FNIP2: variants seen among roughly 807,000 people sequenced by gnomAD.
FNIP2 encodes the protein folliculin-interacting protein 2.
In FNIP2, 32 loss-of-function variants were observed where a neutral mutation model predicts 108.7. That is an observed-to-expected ratio of 0.29 (90% CI 0.22 to 0.40). The LOEUF is 0.40. FNIP2 is among the 10% of genes least tolerant of loss of function. The pLI, the probability that FNIP2 is intolerant of heterozygous loss-of-function variation, is 1.00. For synonymous variants in FNIP2, 480 were observed against 496.7 expected (o/e 0.97, Z 0.45); for missense variants, 1,202 against 1,381.6 (o/e 0.87, Z 2.06).
At chr4:158,830,532 G>A (rs1486702348) in intron 3 of FNIP2, among the ~76,000 whole-genome samples, 3 of 152,188 alleles carry the variant, frequency 2.0e-5, no homozygotes, top group African/African-American at 7.2e-5. Context: ...AAAGTGCTGG[G>A]ATCACAGGCG....
In FNIP2 at chr4:158,870,471, T is replaced by A; in HGVS notation, c.2949+2T>A. On this transcript the variant is annotated splice_donor_variant, in intron 14 of 16. Coordinates refer to ENST00000264433, the MANE Select transcript of FNIP2 (RefSeq NM_020840.3). LOFTEE classifies it high-confidence loss of function. ...GCCGACCTTGTCCACACAGTCCATG[T>A]AAGTGATCCCAGTGTGGAGCCTCTG... The A allele has an allele frequency of 6.2e-7, 1 of 1,606,458 alleles. No individual in the cohort carries two copies. Among genetic ancestry groups the A allele is most frequent in the Non-Finnish European group, 8.5e-7 (1 of 1,175,938 alleles).
intron 7 of FNIP2, among the ~76,000 whole-genome samples, chr4:158,843,364 G>T (rs964932450): frequency 2.0e-5 from 3 of 152,192 alleles, no homozygotes; most frequent in African/African-American, 7.2e-5. Context: ...GAAGAGATGG[G>T]TATCACTGTC....
At chr4:158,814,429 C>G (rs28425681) in intron 1 of FNIP2, among the ~76,000 whole-genome samples, 7,511 of 152,290 alleles carry the variant, frequency 0.049, 468 homozygotes, top group African/African-American at 0.15. Flanking sequence ...GTTTGGTAAA[C>G]TCTAAAATAT....
intron 16 of FNIP2, among the ~76,000 whole-genome samples, chr4:158,901,606 C>G (rs889305739): frequency 3.3e-5 from 5 of 152,132 alleles, no homozygotes; most frequent in African/African-American, 1.2e-4. Flanking sequence ...TCCATTCTCC[C>G]TGTCACTTTC....
At chr4:158,817,579 C>G (rs1272085969) in intron 1 of FNIP2, among the ~76,000 whole-genome samples, 1 of 152,194 alleles carries the variant, frequency 6.6e-6, no homozygotes, top group Non-Finnish European at 1.5e-5. Context: ...CAGTGTCTCA[C>G]TCTGTCGCCC....
intron 7 of FNIP2, among the ~76,000 whole-genome samples, chr4:158,845,310 C>T (rs1779340680): frequency 6.6e-6 from 1 of 152,192 alleles, no homozygotes; most frequent in Non-Finnish European, 1.5e-5. Flanking sequence ...GGAGGCACAG[C>T]TAGCACTGAA....
Position 158,868,202 on chromosome 4 carries a change from C to G in FNIP2, c.1566C>G (p.Thr522=). 2 of 1,614,062 alleles carry G rather than the reference C, an allele frequency of 1.2e-6. No individual in the cohort carries two copies. The highest frequency in any genetic ancestry group is 2.2e-5 in the South Asian group (2 of 91,080). The part of the protein sequence containing the change: ...DLVQRILYVL[T]YFLRCSELQE... The stretch of plus-strand genomic sequence containing the variant: ...TCCAGCGAATACTTTATGTCCTGAC[C>G]TACTTTCTCCGTTGCTCTGAGCTAC... Residue 522 remains threonine, a synonymous_variant, in exon 13 of 17, where the codon ACC becomes ACG. Transcript: ENST00000264433. The surrounding 1 kb of genome is among the most constrained non-coding windows in gnomAD (Gnocchi z 4.6).
At chr4:158,811,569 G>A (rs927300622) in intron 1 of FNIP2, among the ~76,000 whole-genome samples, 3 of 130,190 alleles carry the variant, frequency 2.3e-5, no homozygotes, top group Non-Finnish European at 5.3e-5. Flanking sequence ...TAATAATAAT[G>A]ATGGTAGATT....
chr4:158,876,742 C>A (rs1578960846), intron 14 of FNIP2, among the ~76,000 whole-genome samples: 1 of 152,190 alleles, frequency 6.6e-6, no homozygotes. Context: ...GACTCTTCCC[C>A]ATAAAACTGG....
At chr4:158,786,014 A>G (rs970851665) in intron 1 of FNIP2, among the ~76,000 whole-genome samples, 3 of 152,146 alleles carry the variant, frequency 2.0e-5, no homozygotes, top group Non-Finnish European at 2.9e-5. Flanking sequence ...GCCTAAACCA[A>G]TCTGACCTTT....
intron 1 of FNIP2, among the ~76,000 whole-genome samples, chr4:158,771,952 C>T (rs1775712496): frequency 6.6e-6 from 1 of 152,218 alleles, no homozygotes; most frequent in African/African-American, 2.4e-5. Context: ...GAGAGGAAAT[C>T]TGTTGTCCAA....
At chr4:158,864,492 TC>T (rs1486635725) in intron 12 of FNIP2, among the ~76,000 whole-genome samples, 2 of 152,210 alleles carry the variant, frequency 1.3e-5, no homozygotes, top group Admixed American at 6.5e-5. Flanking sequence ...TAGAATGTGA[TC>T]AGGAATAAGT....
chr4:158,901,515 C>G (rs1457519582), intron 16 of FNIP2, among the ~76,000 whole-genome samples: 1 of 152,008 alleles, frequency 6.6e-6, no homozygotes. Flanking sequence ...TCTGTATTTC[C>G]TGAATTTGAA....
At chr4:158,890,642 TAAAC>T (rs1782231943) in intron 14 of FNIP2, among the ~76,000 whole-genome samples, 1 of 152,194 alleles carries the variant, frequency 6.6e-6, no homozygotes, top group Non-Finnish European at 1.5e-5. Context: ...CTTGTTAACT[TAAAC>T]AGGAGGGACT....
At chr4:158,876,558 A>G (rs1042889806) in intron 14 of FNIP2, among the ~76,000 whole-genome samples, 11 of 152,206 alleles carry the variant, frequency 7.2e-5, no homozygotes, top group African/African-American at 2.7e-4. Flanking sequence ...CCCATTTCAT[A>G]TGTTGCCTCT....
chr4:158,857,579 A>G (rs1780054280), intron 8 of FNIP2, among the ~76,000 whole-genome samples: 1 of 152,192 alleles, frequency 6.6e-6, no homozygotes, highest in Non-Finnish European at 1.5e-5. Context: ...CATCTCCAGG[A>G]TCTTGCTTGA....
intron 14 of FNIP2, among the ~76,000 whole-genome samples, chr4:158,882,615 G>T (rs191981745): frequency 6.6e-6 from 1 of 152,274 alleles, no homozygotes; most frequent in Non-Finnish European, 1.5e-5. Flanking sequence ...TGTGTAGAAA[G>T]AAGTAGATAT....
At chr4:158,834,105 G>T in intron 6 of FNIP2, 1 of 223,576 alleles carries the variant, frequency 4.5e-6, no homozygotes, top group Non-Finnish European at 8.9e-6. Flanking sequence ...AGTGTAAGCT[G>T]ATTTTGATCT....
intron 1 of FNIP2, among the ~76,000 whole-genome samples, chr4:158,783,106 C>T (rs1314245704): frequency 1.3e-5 from 2 of 152,302 alleles, no homozygotes; most frequent in East Asian, 3.9e-4. Flanking sequence ...TTGTGTTTAA[C>T]ACAGCAGTAG....
Sources: gnomAD v4.1 joint callset for allele counts (sites outside exome capture counted in the v4.1 genomes callset) on GRCh38, gnomAD v4.1.1 for gene constraint, Gnocchi (gnomAD v3.1) non-coding constraint, MANE v1.5 for transcripts, NCBI Gene and HGNC (gene_info 2026-07-23, HGNC 2026-07-21) for gene names.